PPM1L: variants seen among roughly 807,000 people sequenced by gnomAD.
PPM1L encodes the protein protein phosphatase, Mg2+/Mn2+ dependent 1L, also known as protein phosphatase 1L.
Under a neutral mutation model 31.4 loss-of-function variants are expected in PPM1L, and 13 were observed. That is an observed-to-expected ratio of 0.41 (90% CI 0.27 to 0.66). The LOEUF is 0.66. Ranked by LOEUF, PPM1L falls within the 30% of genes least tolerant of loss-of-function variation. The pLI is 0.29. For synonymous variants in PPM1L, 184 were observed against 175.4 expected (o/e 1.05, Z -0.39); for missense variants, 326 against 453.7 (o/e 0.72, Z 2.56).
At chr3:160,984,906 G>C (rs1009546408) in intron 2 of PPM1L, among the ~76,000 whole-genome samples, 28 of 152,186 alleles carry the variant, frequency 1.8e-4, no homozygotes. Context: ...TTAGAAAGGG[G>C]AATGGGAGGG....
chr3:161,052,994 T>TA (rs920631916), intron 2 of PPM1L, among the ~76,000 whole-genome samples: 1 of 151,998 alleles, frequency 6.6e-6, no homozygotes, highest in Non-Finnish European at 1.5e-5. Flanking sequence ...ATAGCATTCA[T>TA]AAAAAAAGCA....
chr3:160,865,562 G>A (rs1021166656), intron 1 of PPM1L, among the ~76,000 whole-genome samples: 3 of 152,184 alleles, frequency 2.0e-5, no homozygotes, highest in Non-Finnish European at 2.9e-5. Context: ...AGATCACGAG[G>A]TCAAGAGATC....
intron 1 of PPM1L, among the ~76,000 whole-genome samples, chr3:160,884,012 A>G (rs979066075): frequency 6.6e-6 from 1 of 151,752 alleles, no homozygotes; most frequent in Non-Finnish European, 1.5e-5. Flanking sequence ...TGAGACTGCC[A>G]CGAGCTGTGA....
intron 3 of PPM1L, 150 bp from the exon 4 acceptor site, chr3:161,068,661 T>G: frequency 1.6e-6 from 1 of 630,094 alleles, no homozygotes; most frequent in South Asian, 2.0e-5. Context: ...CCCCAGGCCA[T>G]GCAGTGGGTC....
chr3:160,771,443 A>G (rs529752268), intron 1 of PPM1L, among the ~76,000 whole-genome samples: 45 of 149,326 alleles, frequency 3.0e-4, no homozygotes, highest in Non-Finnish European at 4.3e-4. Flanking sequence ...GGGTTTCACC[A>G]TGTTGCCTAG....
rs1719850792 is a variant in PPM1L, at chr3:161,069,685, C to T, written c.*528C>T. The T allele has an allele frequency of 6.5e-6, 1 of 154,532 alleles. No individual in the cohort carries two copies. The highest frequency in any genetic ancestry group is 2.4e-5 in the African/African-American group (1 of 41,454). 9.6% of individuals were successfully genotyped at this position (154,532 alleles called of 1,614,324 possible). Reference sequence around the variant, plus strand: ...TGAGCCCATGTTTTCTGCTCAGTAGCAGCTTGGAAGCAGATTTGGAATGGT... The same window carrying T: ...TGAGCCCATGTTTTCTGCTCAGTAGTAGCTTGGAAGCAGATTTGGAATGGT... On this transcript the variant is annotated 3_prime_UTR_variant, in exon 4 of 4. Coordinates refer to ENST00000498165, the MANE Select transcript of PPM1L (RefSeq NM_139245.4).
chr3:160,863,103 TG>T (rs1242327818), intron 1 of PPM1L, among the ~76,000 whole-genome samples: 1 of 152,224 alleles, frequency 6.6e-6, no homozygotes, highest in Non-Finnish European at 1.5e-5. Flanking sequence ...TTTCACAATT[TG>T]GGTGTTTTTG....
chr3:160,825,087 G>A (rs897274437), intron 1 of PPM1L, among the ~76,000 whole-genome samples: 8 of 152,088 alleles, frequency 5.3e-5, no homozygotes, highest in Non-Finnish European at 8.8e-5. Flanking sequence ...GCTCAGCCAC[G>A]TGTAACATCC....
chr3:160,839,696 G>C (rs923049826), intron 1 of PPM1L, among the ~76,000 whole-genome samples: 1 of 152,094 alleles, frequency 6.6e-6, no homozygotes, highest in African/African-American at 2.4e-5. Context: ...TTAATAAATT[G>C]ACATTCTAGC....
At chr3:160,994,311 G>A (rs1404433916) in intron 2 of PPM1L, among the ~76,000 whole-genome samples, 2 of 152,122 alleles carry the variant, frequency 1.3e-5, no homozygotes, top group Non-Finnish European at 2.9e-5. Flanking sequence ...AGCAGCCTTG[G>A]CAGGATATCT....
intron 1 of PPM1L, among the ~76,000 whole-genome samples, chr3:160,769,564 G>C (rs1715193817): frequency 6.6e-6 from 1 of 151,942 alleles, no homozygotes; most frequent in Admixed American, 6.6e-5. Context: ...TTTCTCCGCT[G>C]TGTGAACTAG....
At chr3:160,808,266 C>T (rs1411058806) in intron 1 of PPM1L, among the ~76,000 whole-genome samples, 1 of 150,940 alleles carries the variant, frequency 6.6e-6, no homozygotes. Context: ...GTTGTTCCAA[C>T]TGCCCTTTGC....
Position 160,835,585 on chromosome 3 carries a change from C to T in PPM1L, c.399+78878C>T, listed in dbSNP as rs909453188. On this transcript the variant is annotated intron_variant, in intron 1 of 3. Transcript: ENST00000498165. ...CATCATCCGTGCATTTTTATTTCTC[C>T]TCATCTGCTGTACCTTCTTACCAAC... Among the ~76,000 whole-genome samples the T allele has an allele frequency of 2.6e-4, 40 of 152,000 alleles. 1 individual carries two copies. Among genetic ancestry groups the T allele is most frequent in the African/African-American group, 9.4e-4 (39 of 41,390 alleles).
intron 1 of PPM1L, among the ~76,000 whole-genome samples, chr3:160,766,351 G>C (rs1715101476): frequency 6.6e-6 from 1 of 152,156 alleles, no homozygotes; most frequent in Non-Finnish European, 1.5e-5. Flanking sequence ...TGTGTTGAGG[G>C]AAGGACCTCG....
At chr3:160,828,647 G>A (rs1405264717) in intron 1 of PPM1L, among the ~76,000 whole-genome samples, 6 of 152,012 alleles carry the variant, frequency 3.9e-5, no homozygotes, top group East Asian at 1.9e-4. Flanking sequence ...GGAAGTGAGC[G>A]TCATTCACAC....
intron 2 of PPM1L, among the ~76,000 whole-genome samples, chr3:161,014,301 T>G (rs1349286296): frequency 1.3e-5 from 2 of 152,164 alleles, no homozygotes; most frequent in African/African-American, 2.4e-5. Flanking sequence ...TTTCCTAAAG[T>G]TGCATTACAG....
chr3:160,849,856 A>G (rs540657442), intron 1 of PPM1L, among the ~76,000 whole-genome samples: 1 of 152,248 alleles, frequency 6.6e-6, no homozygotes, highest in Non-Finnish European at 1.5e-5. Flanking sequence ...GAATCCGGGG[A>G]TGATTAGGAA....
chr3:160,995,471 C>T (rs2108047275), intron 2 of PPM1L, among the ~76,000 whole-genome samples: 1 of 152,146 alleles, frequency 6.6e-6, no homozygotes, highest in Admixed American at 6.5e-5. Context: ...TAGGTGCCTG[C>T]CACCACACCC....
intron 1 of PPM1L, among the ~76,000 whole-genome samples, chr3:160,868,366 A>C: frequency 6.6e-6 from 1 of 152,166 alleles, no homozygotes; most frequent in East Asian, 1.9e-4. Flanking sequence ...GCTTGTCTTC[A>C]AGGCACCCTG....
Sources: gnomAD v4.1 joint callset for allele counts (sites outside exome capture counted in the v4.1 genomes callset) on GRCh38, gnomAD v4.1.1 for gene constraint, MANE v1.5 for transcripts, NCBI Gene and HGNC (gene_info 2026-07-23, HGNC 2026-07-21) for gene names.